ATP2B2: variants seen among roughly 807,000 people sequenced by gnomAD.
The protein encoded by ATP2B2 is plasma membrane calcium-transporting ATPase 2.
In ATP2B2, 15 loss-of-function variants were observed where a neutral mutation model predicts 120.0. That is an observed-to-expected ratio of 0.12 (90% CI 0.08 to 0.19). ATP2B2 has a LOEUF of 0.19. Among genes scored for constraint, ATP2B2 ranks in the 10% least tolerant of loss-of-function variants. The probability of loss-of-function intolerance (pLI) is 1.00; values close to 1 mark genes in which losing one functional copy is unlikely to be tolerated. For missense variants in ATP2B2, 1,045 were observed against 1,719.8 expected (o/e 0.61, Z 6.94); for synonymous variants, 694 against 700.3 (o/e 0.99, Z 0.14).
At chr3:10,460,308 A>T (rs2164969) in intron 1 of ATP2B2, among the ~76,000 whole-genome samples, 51,904 of 152,114 alleles carry the variant, frequency 0.34, 9,157 homozygotes, top group Admixed American at 0.4. Context: ...GCAGTGGGGA[A>T]CTGGCTTCCC....
chr3:10,350,655 G>T (rs1374129668), intron 14 of ATP2B2, 78 bp from the exon 15 acceptor site: 1 of 1,501,574 alleles, frequency 6.7e-7, no homozygotes, highest in African/African-American at 1.4e-5. Flanking sequence ...TTCCAGAGGA[G>T]CCCTTCTCAC....
chr3:10,686,690 G>A (rs1367929351), intron 1 of ATP2B2, among the ~76,000 whole-genome samples: 3 of 151,408 alleles, frequency 2.0e-5, no homozygotes, highest in African/African-American at 7.3e-5. Flanking sequence ...AGCACTTTTT[G>A]TGTTCCAGGC....
chr3:10,458,051 T>TCATC (rs1252697423), intron 1 of ATP2B2, among the ~76,000 whole-genome samples: 1 of 152,132 alleles, frequency 6.6e-6, no homozygotes, highest in Non-Finnish European at 1.5e-5. Flanking sequence ...CCATTTCTGC[T>TCATC]CATCCATCCA....
chr3:10,551,351 C>T (rs1193654126), intron 2 of ATP2B2, among the ~76,000 whole-genome samples: 2 of 152,174 alleles, frequency 1.3e-5, no homozygotes, highest in Non-Finnish European at 2.9e-5. Context: ...GGTGAATGGA[C>T]GTGCCGATTA....
chr3:10,625,600 G>A (rs766790709), intron 1 of ATP2B2, among the ~76,000 whole-genome samples: 1 of 152,182 alleles, frequency 6.6e-6, no homozygotes, highest in Admixed American at 6.5e-5. Flanking sequence ...AGGAGGGGGA[G>A]GTGTTGAGTT....
chr3:10,551,363 C>T (rs1316580285), intron 2 of ATP2B2, among the ~76,000 whole-genome samples: 2 of 152,198 alleles, frequency 1.3e-5, no homozygotes, highest in Non-Finnish European at 2.9e-5. Context: ...TGCCGATTAT[C>T]AAGCCCACCA....
intron 2 of ATP2B2, among the ~76,000 whole-genome samples, chr3:10,422,600 T>A (rs1447096488): frequency 6.6e-6 from 1 of 152,214 alleles, no homozygotes; most frequent in African/African-American, 2.4e-5. Context: ...TCATTCACAG[T>A]TATGTGCTCA....
intron 2 of ATP2B2, among the ~76,000 whole-genome samples, chr3:10,567,824 T>C (rs1234818894): frequency 2.6e-5 from 4 of 152,170 alleles, no homozygotes; most frequent in Admixed American, 2.0e-4. Context: ...TCATCCACTT[T>C]GGCCCTCTCA....
intron 2 of ATP2B2, among the ~76,000 whole-genome samples, chr3:10,415,797 C>T (rs1038312683): frequency 2.0e-5 from 3 of 152,198 alleles, no homozygotes; most frequent in Non-Finnish European, 4.4e-5. Context: ...ACAAAGGCAG[C>T]GAGGCCCTGA....
At chr3:10,378,664 A>G (rs893893868) in intron 9 of ATP2B2, among the ~76,000 whole-genome samples, 2 of 152,210 alleles carry the variant, frequency 1.3e-5, no homozygotes, top group East Asian at 1.9e-4. Context: ...TGATGCTGTT[A>G]CCCTGGATCC....
At chr3:10,554,427 G>T (rs1201548562) in intron 2 of ATP2B2, among the ~76,000 whole-genome samples, 1 of 152,204 alleles carries the variant, frequency 6.6e-6, no homozygotes, top group Non-Finnish European at 1.5e-5. Flanking sequence ...TTAAGACAGG[G>T]GAGATCACCC....
chr3:10,498,584 C>T (rs1404504020), intron 1 of ATP2B2, among the ~76,000 whole-genome samples: 5 of 152,216 alleles, frequency 3.3e-5, no homozygotes, highest in African/African-American at 1.2e-4. Context: ...CCAGATGACG[C>T]CCCCATGGCT....
chr3:10,483,100 C>T lies in ATP2B2; in HGVS notation c.-320+22365G>A, dbSNP rs371191233. ...GGTGGATTCAGGTCCATCTCCCTCACTCACGTGTCATCTATCCTACCTTCT... is the reference window on the plus strand; with the variant it reads ...GGTGGATTCAGGTCCATCTCCCTCATTCACGTGTCATCTATCCTACCTTCT... On this transcript the variant is annotated intron_variant, in intron 1 of 22. Transcript: ENST00000360273. Among the ~76,000 whole-genome samples the T allele has an allele frequency of 6.0e-4, 91 of 152,384 alleles. 1 individual carries two copies. Among genetic ancestry groups the T allele is most frequent in the African/African-American group, 2.1e-3 (87 of 41,594 alleles).
intron 2 of ATP2B2, among the ~76,000 whole-genome samples, chr3:10,540,369 G>A (rs899291291): frequency 4.6e-5 from 7 of 152,132 alleles, no homozygotes; most frequent in African/African-American, 1.7e-4. Context: ...CCATTACTGG[G>A]TATATACCCA....
chr3:10,338,033 GGT>G, intron 22 of ATP2B2, 141 bp downstream of exon 22: 9 of 1,024,902 alleles, frequency 8.8e-6, no homozygotes, highest in Non-Finnish European at 1.3e-5. Context: ...GCAAGTGGCT[GGT>G]GAGAGCTGGC....
At chr3:10,583,224 G>A (rs4622889) in intron 2 of ATP2B2, among the ~76,000 whole-genome samples, 45,808 of 152,102 alleles carry the variant, frequency 0.3, 7,574 homozygotes, top group East Asian at 0.71. Context: ...TAGAAGTCCC[G>A]TGGCTTGGAA....
At chr3:10,357,722 C>T (rs975824601) in intron 14 of ATP2B2, among the ~76,000 whole-genome samples, 2 of 152,188 alleles carry the variant, frequency 1.3e-5, no homozygotes, top group African/African-American at 4.8e-5. Flanking sequence ...CTGAGTGAGT[C>T]CTGGGAGGAA....
At chr3:10,552,547 T>G (rs2067692616) in intron 2 of ATP2B2, among the ~76,000 whole-genome samples, 1 of 152,256 alleles carries the variant, frequency 6.6e-6, no homozygotes. Context: ...GAACCTCCCA[T>G]TTGTGAGCAA....
At chr3:10,447,878 G>A (rs148646334) in intron 2 of ATP2B2, among the ~76,000 whole-genome samples, 1 of 152,256 alleles carries the variant, frequency 6.6e-6, no homozygotes, top group Admixed American at 6.5e-5. Context: ...GTGAGAAAAG[G>A]TGTTTCTAAA....
Sources: gnomAD v4.1 joint callset for allele counts (sites outside exome capture counted in the v4.1 genomes callset) on GRCh38, gnomAD v4.1.1 for gene constraint, MANE v1.5 for transcripts, NCBI Gene and HGNC (gene_info 2026-07-23, HGNC 2026-07-21) for gene names.